MAGI1: variants seen among roughly 807,000 people sequenced by gnomAD.
MAGI1 encodes the protein membrane associated guanylate kinase, WW and PDZ domain containing 1.
MAGI1 carries 58 observed loss-of-function variants against 139.9 expected under a neutral mutation model. That is an observed-to-expected ratio of 0.41 (90% CI 0.34 to 0.52). The LOEUF (loss-of-function observed/expected upper bound fraction) is 0.52, where lower values mean the gene tolerates loss of function less well. Among genes scored for constraint, MAGI1 ranks in the 20% least tolerant of loss-of-function variants. MAGI1 has a pLI of 0.12. For missense variants in MAGI1, 1,874 were observed against 1,901.6 expected (o/e 0.99, Z 0.27); for synonymous variants, 812 against 737.9 (o/e 1.10, Z -1.63).
At chr3:65,502,062 G>A (rs2077102800) in intron 2 of MAGI1, among the ~76,000 whole-genome samples, 1 of 152,152 alleles carries the variant, frequency 6.6e-6, no homozygotes, top group African/African-American at 2.4e-5. Context: ...GAAAGGAGGA[G>A]GACACTGTTT....
At chr3:65,764,534 C>G (rs1239925836) in intron 1 of MAGI1, among the ~76,000 whole-genome samples, 2 of 152,152 alleles carry the variant, frequency 1.3e-5, no homozygotes, top group African/African-American at 4.8e-5. Context: ...TCACTTTTTA[C>G]TCTAAATCAA....
chr3:65,470,236 G>GA (rs758188370), intron 5 of MAGI1, 47 bp downstream of exon 5: 21 of 1,375,442 alleles, frequency 1.5e-5, no homozygotes, highest in Non-Finnish European at 2.0e-5. Context: ...GGAAGGAAGG[G>GA]AAAAGAAAGA....
intron 1 of MAGI1, among the ~76,000 whole-genome samples, chr3:65,914,454 TGTCTGAAAAA>T: frequency 6.6e-6 from 1 of 152,262 alleles, no homozygotes; most frequent in African/African-American, 2.4e-5. Context: ...AAGCAGACAA[TGTCTGAAAAA>T]GTAGAGAATT....
intron 1 of MAGI1, among the ~76,000 whole-genome samples, chr3:65,713,091 G>C (rs947739882): frequency 6.6e-6 from 1 of 152,198 alleles, no homozygotes; most frequent in African/African-American, 2.4e-5. Flanking sequence ...GTCCTAGAGA[G>C]AGAATAGCTT....
chr3:65,587,476 T>C (rs1339964741), intron 2 of MAGI1, among the ~76,000 whole-genome samples: 2 of 144,276 alleles, frequency 1.4e-5, no homozygotes, highest in African/African-American at 5.3e-5. Context: ...TTATTACTTT[T>C]TTCTTTTTTT....
intron 1 of MAGI1, among the ~76,000 whole-genome samples, chr3:66,003,097 AAAG>A (rs1233221778): frequency 6.6e-6 from 1 of 152,048 alleles, no homozygotes; most frequent in Non-Finnish European, 1.5e-5. Context: ...TGAACATATG[AAAG>A]AAGAAGAGAT....
chr3:65,949,352 G>C (rs115760092), intron 1 of MAGI1, among the ~76,000 whole-genome samples: 16 of 152,168 alleles, frequency 1.1e-4, no homozygotes, highest in Non-Finnish European at 1.9e-4. Context: ...CTACTAGCTG[G>C]CTGGAAATTG....
intron 17 of MAGI1, among the ~76,000 whole-genome samples, chr3:65,377,681 T>C (rs1942661383): frequency 6.6e-6 from 1 of 152,204 alleles, no homozygotes; most frequent in Non-Finnish European, 1.5e-5. Context: ...CAAGAAAGTC[T>C]CTGAAATTAA....
chr3:65,700,299 G>C (rs1449525828), intron 1 of MAGI1, among the ~76,000 whole-genome samples: 1 of 151,968 alleles, frequency 6.6e-6, no homozygotes, highest in African/African-American at 2.4e-5. Flanking sequence ...AAAATTAGTT[G>C]GGCATGGTGG....
At chr3:65,502,910 G>A (rs918143782) in intron 2 of MAGI1, among the ~76,000 whole-genome samples, 2 of 152,130 alleles carry the variant, frequency 1.3e-5, no homozygotes, top group African/African-American at 4.8e-5. Flanking sequence ...CTACTTTGGA[G>A]GGTGGGAGTG....
At chr3:65,648,153 C>CT (rs11348687) in intron 1 of MAGI1, among the ~76,000 whole-genome samples, 178 of 146,566 alleles carry the variant, frequency 1.2e-3, no homozygotes, top group East Asian at 2.2e-3. Context: ...GAATGTATTT[C>CT]TTTTTTTTTT....
chr3:65,427,150 G>A (rs1272745047), intron 12 of MAGI1, among the ~76,000 whole-genome samples: 2 of 151,878 alleles, frequency 1.3e-5, no homozygotes, highest in Non-Finnish European at 2.9e-5. Context: ...CATTTCTACT[G>A]AAAATACAAA....
chr3:65,786,159 T>C (rs889764947), intron 1 of MAGI1, among the ~76,000 whole-genome samples: 1 of 151,820 alleles, frequency 6.6e-6, no homozygotes, highest in Non-Finnish European at 1.5e-5. Context: ...TTTCGCCTTG[T>C]TGGCCAGGCT....
In MAGI1 at chr3:65,668,700, G is replaced by A. The variant is rs149525424; in HGVS notation, c.314-46612C>T. Among the ~76,000 whole-genome samples, 105 of 150,958 alleles carry A rather than the reference G, an allele frequency of 7.0e-4. No homozygotes were observed. In the East Asian group the frequency reaches 0.018, roughly 25 times the overall value. On this transcript the variant is annotated intron_variant, in intron 1 of 22. Transcript: ENST00000402939. Reference sequence around the variant, plus strand: ...TGCTGCCTCAGCCTCCTAAGTAGCTGGGGTTACAGGCGTGCTGTAATTTTT... The same window carrying A: ...TGCTGCCTCAGCCTCCTAAGTAGCTAGGGTTACAGGCGTGCTGTAATTTTT...
intron 1 of MAGI1, among the ~76,000 whole-genome samples, chr3:65,940,830 C>T (rs1044520024): frequency 3.3e-5 from 5 of 152,112 alleles, no homozygotes; most frequent in South Asian, 2.1e-4. Context: ...GTTCATAGCA[C>T]GTTTCAGTGG....
chr3:65,414,372 T>C (rs751263114), intron 12 of MAGI1, among the ~76,000 whole-genome samples: 8 of 152,214 alleles, frequency 5.3e-5, no homozygotes, highest in African/African-American at 1.9e-4. Flanking sequence ...ATAGATGTTA[T>C]AGATGTTGCG....
intron 2 of MAGI1, among the ~76,000 whole-genome samples, chr3:65,565,600 T>G (rs1381974278): frequency 6.6e-6 from 1 of 152,220 alleles, no homozygotes; most frequent in African/African-American, 2.4e-5. Context: ...CTCATGACTG[T>G]AATCCCAGCA....
intron 1 of MAGI1, among the ~76,000 whole-genome samples, chr3:66,010,124 A>C: frequency 6.6e-6 from 1 of 151,330 alleles, no homozygotes. Context: ...TTTATTTTTA[A>C]AAACAATAAC....
chr3:65,974,410 G>GATGC (rs1553741447), intron 1 of MAGI1, among the ~76,000 whole-genome samples: 1 of 147,340 alleles, frequency 6.8e-6, no homozygotes, highest in African/African-American at 2.7e-5. Flanking sequence ...TGGATGGGTG[G>GATGC]ATGGATGGAT....
Sources: gnomAD v4.1 joint callset for allele counts (sites outside exome capture counted in the v4.1 genomes callset) on GRCh38, gnomAD v4.1.1 for gene constraint, MANE v1.5 for transcripts, NCBI Gene and HGNC (gene_info 2026-07-23, HGNC 2026-07-21) for gene names.